Variants in SLC26A5 observed in about 807,000 individuals in gnomAD.
SLC26A5 encodes prestin.
Under a neutral mutation model 81.0 loss-of-function variants are expected in SLC26A5, and 51 were observed. That is an observed-to-expected ratio of 0.63 (90% confidence interval 0.50 to 0.80). The LOEUF (loss-of-function observed/expected upper bound fraction) is 0.80, where lower values mean the gene tolerates loss of function less well. SLC26A5 is among the 30% of genes least tolerant of loss of function. The pLI, the probability that SLC26A5 is intolerant of heterozygous loss-of-function variation, is 0.00. For missense variants in SLC26A5, 771 were observed against 905.8 expected, an observed-to-expected ratio of 0.85 and a Z score of 1.91; for synonymous variants, 325 against 332.8, an observed-to-expected ratio of 0.98 and a Z score of 0.25.
intron 2 of SLC26A5, among the ~76,000 whole-genome samples, chr7:103,438,209 A>C (rs1377299139): frequency 2.0e-5 from 3 of 152,198 alleles, no homozygotes; most frequent in African/African-American, 7.2e-5. Context: ...AGTAAATTTC[A>C]AATTATAAAA....
chr7:103,395,314 T>C (rs1387263270), intron 9 of SLC26A5, among the ~76,000 whole-genome samples: 4 of 149,034 alleles, frequency 2.7e-5, no homozygotes, highest in Non-Finnish European at 5.9e-5. Context: ...AGGTCTCCTC[T>C]GGATAGCCTG....
At chr7:103,436,052 A>G (rs1826430192) in intron 2 of SLC26A5, among the ~76,000 whole-genome samples, 1 of 152,180 alleles carries the variant, frequency 6.6e-6, no homozygotes, top group Non-Finnish European at 1.5e-5. Flanking sequence ...TTACCATAAC[A>G]TGGTAAACAG....
At chr7:103,383,333 A>G (rs1326436319) in intron 14 of SLC26A5, among the ~76,000 whole-genome samples, 1 of 152,186 alleles carries the variant, frequency 6.6e-6, no homozygotes, top group Non-Finnish European at 1.5e-5. Flanking sequence ...GAAGGATTAG[A>G]GCATTGTTGT....
In SLC26A5 at chr7:103,367,808, T is replaced by A. The variant is rs761222875; in HGVS notation, c.2041+9000A>T. The stretch of plus-strand genomic sequence containing the variant: ...TAGCACGACTGTGTCCAAATAGCAC[T>A]GGTAAGTAGAAAGTTCTTGCTTATA... On this transcript the variant is annotated intron_variant, in intron 19 of 19. Transcript: ENST00000339444. The surrounding 1 kb of genome is among the most constrained non-coding windows in gnomAD (Gnocchi z 6.1). The A allele has an allele frequency of 8.1e-6, 13 of 1,613,060 alleles. No individual in the cohort carries two copies. Among genetic ancestry groups the A allele is most frequent in the Non-Finnish European group, 1.0e-5 (12 of 1,179,408 alleles).
chr7:103,402,583 TAGAG>T (rs576671906), intron 8 of SLC26A5, among the ~76,000 whole-genome samples: 140 of 151,970 alleles, frequency 9.2e-4, no homozygotes, highest in Non-Finnish European at 1.8e-3. Context: ...TTATTTTTAA[TAGAG>T]AGGGGATTTC....
At chr7:103,388,957 C>T (rs1464901819) in intron 14 of SLC26A5, 51 bp downstream of exon 14, 1 of 1,371,068 alleles carries the variant, frequency 7.3e-7, no homozygotes, top group Non-Finnish European at 1.0e-6. Context: ...CTAAAGTCAA[C>T]ATTGTCATCT....
At chr7:103,353,834 C>A in intron 19 of SLC26A5, 1 of 1,133,292 alleles carries the variant, frequency 8.8e-7, no homozygotes, top group African/African-American at 1.6e-5. Context: ...CAATTTGAAT[C>A]GAACAGAAAA....
intron 2 of SLC26A5, among the ~76,000 whole-genome samples, chr7:103,435,382 A>G (rs1428139799): frequency 6.6e-6 from 1 of 152,216 alleles, no homozygotes; most frequent in Non-Finnish European, 1.5e-5. Flanking sequence ...TTTATAAATT[A>G]AGGATTTCGT....
chr7:103,364,334 T>G (rs1181243263), intron 19 of SLC26A5: 1 of 1,610,564 alleles, frequency 6.2e-7, no homozygotes, highest in East Asian at 2.2e-5. Context: ...AAAGAATATA[T>G]AGCCTTGTGA....
chr7:103,418,308 G>A (rs1327953368), intron 4 of SLC26A5, among the ~76,000 whole-genome samples: 1 of 152,230 alleles, frequency 6.6e-6, no homozygotes, highest in Non-Finnish European at 1.5e-5. Context: ...ATGGAAGAAA[G>A]TCAGCTGGTT....
intron 3 of SLC26A5, among the ~76,000 whole-genome samples, chr7:103,421,121 A>G (rs2116723645): frequency 6.6e-6 from 1 of 152,320 alleles, no homozygotes; most frequent in East Asian, 1.9e-4. Context: ...CATGTTGGTT[A>G]TGTTAACATT....
At chr7:103,407,107 TCA>T (rs998302949) in intron 8 of SLC26A5, among the ~76,000 whole-genome samples, 20 of 152,204 alleles carry the variant, frequency 1.3e-4, no homozygotes, top group Admixed American at 7.9e-4. Flanking sequence ...TGGCAATAGT[TCA>T]CAGTTTGAAC....
At chr7:103,362,400 AGT>A in intron 19 of SLC26A5, 1 of 1,338,536 alleles carries the variant, frequency 7.5e-7, no homozygotes, top group Non-Finnish European at 9.5e-7. Context: ...TGTGATGCTA[AGT>A]GTGTTAATGT....
In SLC26A5 at chr7:103,362,166, G is replaced by A. The variant is rs1820450213; in HGVS notation, c.2042-9240C>T. 18 of 1,579,852 alleles carry A rather than the reference G, an allele frequency of 1.1e-5. No individual in the cohort carries two copies. The South Asian group carries it at 1.5e-4, about 13-fold the overall frequency. ...ACATTCATATCCTTGGCTTTGTAGT[G>A]AATAAATGGACTGAGTTCCTTGGAA... On this transcript the variant is annotated intron_variant, in intron 19 of 19. Transcript: ENST00000339444.
At chr7:103,369,944 T>TTC (rs1820936881), downstream of SLC26A5, among the ~76,000 whole-genome samples, 1 of 152,166 alleles carries the variant, frequency 6.6e-6, no homozygotes, top group Admixed American at 6.5e-5. Flanking sequence ...TGGTACAGCT[T>TTC]TCTCAAAGGC....
intron 14 of SLC26A5, among the ~76,000 whole-genome samples, chr7:103,385,015 T>C (rs946047229): frequency 6.6e-6 from 1 of 152,146 alleles, no homozygotes; most frequent in South Asian, 2.1e-4. Context: ...AATACCTATT[T>C]AGAGAAATTA....
At chr7:103,396,885 A>G (rs745441850) in intron 9 of SLC26A5, among the ~76,000 whole-genome samples, 2 of 152,076 alleles carry the variant, frequency 1.3e-5, no homozygotes, top group Non-Finnish European at 2.9e-5. Flanking sequence ...ACATGAGGTC[A>G]GGAGTTCGAG....
At chr7:103,409,168 T>G (rs1824285722) in intron 7 of SLC26A5, among the ~76,000 whole-genome samples, 1 of 152,240 alleles carries the variant, frequency 6.6e-6, no homozygotes, top group Non-Finnish European at 1.5e-5. Context: ...CAAATTGTAA[T>G]TGACTACACA....
Position 103,374,451 on chromosome 7 carries a change from G to C in SLC26A5, c.2183C>G (p.Pro728Arg), listed in dbSNP as rs767475182. The change falls in exon 20 of 20, where the codon CCT (proline) becomes CGT (arginine). Residue 728 changes from proline to arginine, a missense_variant. Transcript: ENST00000306312. ...ATTGGGCTCCAAGTCCTCCTGGGAA[G>C]GGGGAGCCGAGGCTTCCTGTTCAGC... ...ALAEQEASAP[P>R]SQEDLEPNAT... 1 of 1,613,098 alleles carries C rather than the reference G, an allele frequency of 6.2e-7. No homozygotes were observed. Among genetic ancestry groups the C allele is most frequent in the Non-Finnish European group, 8.5e-7 (1 of 1,180,014 alleles).
Sources: allele counts gnomAD v4.1 joint callset (sites outside exome capture counted in the v4.1 genomes callset), GRCh38; gene constraint gnomAD v4.1.1; non-coding constraint Gnocchi (gnomAD v3.1); transcripts MANE v1.5; gene names NCBI Gene and HGNC (gene_info 2026-07-23, HGNC 2026-07-21).